The following PINX1 variants were observed in gnomAD, a reference collection of about 807,000 sequenced individuals.
The protein encoded by PINX1 is PIN2/TERF1-interacting telomerase inhibitor 1.
PINX1 carries 34 observed loss-of-function variants against 25.4 expected under a neutral mutation model. The observed-to-expected ratio is 1.34, with a 90% CI of 1.02 to 1.78. PINX1 has a LOEUF of 1.78. Ranked by LOEUF, PINX1 falls within the 40% of genes most tolerant of loss-of-function variation. The probability of loss-of-function intolerance (pLI) is 0.00; values close to 1 mark genes in which losing one functional copy is unlikely to be tolerated. For missense variants in PINX1, 592 were observed against 404.9 expected (o/e 1.46, Z -3.97); for synonymous variants, 197 against 147.7 (o/e 1.33, Z -2.42).
intron 5 of PINX1, among the ~76,000 whole-genome samples, chr8:10,823,829 A>C (rs1414032594): frequency 6.6e-6 from 1 of 152,142 alleles, no homozygotes; most frequent in Non-Finnish European, 1.5e-5. Flanking sequence ...TCCTGTCTCA[A>C]AATAAAAATA....
At chr8:10,807,268 G>A (rs890670984) in intron 6 of PINX1, among the ~76,000 whole-genome samples, 4 of 148,072 alleles carry the variant, frequency 2.7e-5, no homozygotes, top group Non-Finnish European at 4.5e-5. Flanking sequence ...AAATATGACA[G>A]CAAAACTTAC....
chr8:10,793,018 T>C (rs1370915070), intron 6 of PINX1, among the ~76,000 whole-genome samples: 1 of 152,134 alleles, frequency 6.6e-6, no homozygotes, highest in Non-Finnish European at 1.5e-5. Flanking sequence ...TAGATCCTGC[T>C]CCAAATGAAC....
chr8:10,809,392 A>ACAGG (rs1802555175), intron 6 of PINX1, among the ~76,000 whole-genome samples: 1 of 152,248 alleles, frequency 6.6e-6, no homozygotes, highest in Admixed American at 6.5e-5. Context: ...CACTGACAGA[A>ACAGG]CAGGCCCCAA....
intron 6 of PINX1, among the ~76,000 whole-genome samples, chr8:10,799,393 G>T (rs915685097): frequency 6.6e-6 from 1 of 152,140 alleles, no homozygotes; most frequent in Non-Finnish European, 1.5e-5. Flanking sequence ...CCTGACAGTT[G>T]CTGGGGAAAT....
rs138769415 is a variant in PINX1 at position 10,821,816 on chromosome 8, C to G, written c.395-1547G>C. 3.5e-3 allele frequency: 531 copies of G among 152,270 alleles called. 3 individuals carry two copies. The highest frequency in any genetic ancestry group is 0.012 in the African/African-American group (506 of 41,558). The allele number at this position is 152,270 out of a possible 1,614,324, so 9.4% of individuals were successfully genotyped here. On this transcript the variant is annotated intron_variant, in intron 5 of 6. Transcript: ENST00000314787. ...TGGAATAGAGACACTCTAGAAAATG[C>G]AAATTAAGGTCTCTTCTATAGCAAT...
At chr8:10,834,877 A>C in intron 1 of PINX1, 102 bp from the exon 2 acceptor site, 2 of 726,262 alleles carry the variant, frequency 2.8e-6, no homozygotes, top group Non-Finnish European at 4.6e-6. Flanking sequence ...GTATGTATGT[A>C]AAATATGACA....
chr8:10,781,729 T>C (rs959856496), intron 6 of PINX1, among the ~76,000 whole-genome samples: 1 of 150,968 alleles, frequency 6.6e-6, no homozygotes, highest in African/African-American at 2.5e-5. Flanking sequence ...CCCTGTACAC[T>C]GCTGATGGGA....
intron 6 of PINX1, among the ~76,000 whole-genome samples, chr8:10,808,468 C>G (rs931067695): frequency 1.3e-4 from 20 of 152,172 alleles, no homozygotes; most frequent in African/African-American, 4.3e-4. Flanking sequence ...AAATAACAAG[C>G]ATTTAACACA....
intron 6 of PINX1, among the ~76,000 whole-genome samples, chr8:10,777,547 G>A (rs1338183215): frequency 2.0e-5 from 3 of 152,224 alleles, no homozygotes; most frequent in African/African-American, 7.2e-5. Flanking sequence ...TTGAAGGGGG[G>A]TTGGGTGTGC....
chr8:10,803,907 A>C (rs748145158), intron 6 of PINX1, among the ~76,000 whole-genome samples: 1 of 152,238 alleles, frequency 6.6e-6, no homozygotes, highest in Non-Finnish European at 1.5e-5. Flanking sequence ...TAGGGCTATC[A>C]ATTAAGAAGC....
In PINX1 at chr8:10,826,214, A is replaced by T. The variant is rs769332643; in HGVS notation, c.332T>A (p.Phe111Tyr). 1.3e-6 allele frequency: 2 copies of T among 1,594,422 alleles called. No individual in the cohort carries two copies. The highest frequency in any genetic ancestry group is 3.4e-5 in the Admixed American group (2 of 59,002). The stretch of plus-strand genomic sequence containing the variant: ...GATTTTGGACTTTTCCTCAAGGCTA[A>T]AAGATTTCTTTTCCTTCTTGTCCGA... The part of the protein sequence containing the change: ...DSSDKKEKKS[F>Y]SLEEKSKISK... Residue 111 changes from phenylalanine (F) to tyrosine (Y), a missense_variant, in exon 5 of 7, where the codon TTT becomes TAT. Physicochemically the swap from Phe to Tyr is conservative, Grantham distance 22. Transcript: ENST00000314787.
chr8:10,801,741 A>G (rs1802269548), intron 6 of PINX1, among the ~76,000 whole-genome samples: 1 of 152,182 alleles, frequency 6.6e-6, no homozygotes, highest in Non-Finnish European at 1.5e-5. Context: ...CCTCTAATGA[A>G]AAAGAATTTG....
chr8:10,766,821 C>T (rs757419619), intron 6 of PINX1, among the ~76,000 whole-genome samples: 7 of 152,066 alleles, frequency 4.6e-5, no homozygotes, highest in African/African-American at 7.2e-5. Flanking sequence ...GCTTGAGAAG[C>T]GAGAGAAAAT....
intron 5 of PINX1, among the ~76,000 whole-genome samples, chr8:10,820,605 G>A (rs570028567): frequency 6.6e-6 from 1 of 151,998 alleles, no homozygotes; most frequent in African/African-American, 2.4e-5. Context: ...TGGGTCTCTG[G>A]GTTCTTCATT....
chr8:10,838,944 C>G (rs1032315429), intron 1 of PINX1, among the ~76,000 whole-genome samples: 1 of 152,198 alleles, frequency 6.6e-6, no homozygotes, highest in Non-Finnish European at 1.5e-5. Context: ...ACTTATTTCA[C>G]AAAATCCCTG....
intron 6 of PINX1, among the ~76,000 whole-genome samples, chr8:10,810,283 C>T (rs921879508): frequency 7.2e-5 from 11 of 152,202 alleles, no homozygotes; most frequent in Non-Finnish European, 1.2e-4. Context: ...ACTGATTTAA[C>T]GATGACTTCC....
chr8:10,774,987 G>C (rs1450699888), intron 6 of PINX1, among the ~76,000 whole-genome samples: 1 of 151,986 alleles, frequency 6.6e-6, no homozygotes, highest in African/African-American at 2.4e-5. Flanking sequence ...CAATATACCG[G>C]CACAACTTAT....
chr8:10,771,450 T>A (rs1801220040), intron 6 of PINX1: 1 of 152,252 alleles, frequency 6.6e-6, no homozygotes, highest in African/African-American at 2.4e-5. Flanking sequence ...TTATTCCCCA[T>A]AATAGCAACT....
At chr8:10,827,080 C>T (rs1198272049) in intron 4 of PINX1, among the ~76,000 whole-genome samples, 1 of 152,202 alleles carries the variant, frequency 6.6e-6, no homozygotes, top group African/African-American at 2.4e-5. Context: ...CGAAAAGCCA[C>T]AGCAATGTAA....
Sources: allele counts gnomAD v4.1 joint callset (sites outside exome capture counted in the v4.1 genomes callset), GRCh38; gene constraint gnomAD v4.1.1; transcripts MANE v1.5; gene names NCBI Gene and HGNC (gene_info 2026-07-23, HGNC 2026-07-21).